Variants in PCM1 observed in about 807,000 individuals in gnomAD.
PCM1 encodes pericentriolar material 1 protein.
Under a neutral mutation model 241.9 loss-of-function variants are expected in PCM1, and 157 were observed. That is an observed-to-expected ratio of 0.65 (90% CI 0.57 to 0.74). PCM1 has a LOEUF of 0.74. PCM1 is among the 30% of genes least tolerant of loss of function. The pLI is 0.00. For missense variants in PCM1, 3,478 were observed against 2,360.1 expected, an observed-to-expected ratio of 1.47 and a Z score of -9.81; for synonymous variants, 1,085 against 784.9, an observed-to-expected ratio of 1.38 and a Z score of -6.39.
At chr8:18,014,351 C>G (rs2092908253) in intron 35 of PCM1, among the ~76,000 whole-genome samples, 1 of 151,512 alleles carries the variant, frequency 6.6e-6, no homozygotes, top group African/African-American at 2.4e-5. Flanking sequence ...ACTGAAAGTC[C>G]TAATTTTTTA....
Position 17,968,762 on chromosome 8 carries a change from GTATATA to G in PCM1, c.3413-804_3413-799del, listed in dbSNP as rs1554688770. 2.4e-3 allele frequency among the ~76,000 whole-genome samples: 331 copies of G among 136,776 alleles called. 3 individuals carry two copies. Among genetic ancestry groups the G allele is most frequent in the African/African-American group, 8.6e-3 (312 of 36,452 alleles). 89.7% of individuals were successfully genotyped at this position (136,776 alleles called of 152,430 possible). On this transcript the variant is annotated intron_variant, in intron 21 of 38. Coordinates refer to ENST00000325083, the MANE Select transcript of PCM1 (RefSeq NM_006197.4). ...TGTGTGTGTGTGTGTGTGTGTGTGT[GTATATA>G]TATATATATACACACCACAGTGTTT...
At chr8:17,963,487 C>T (rs1371335299) in intron 17 of PCM1, among the ~76,000 whole-genome samples, 196 bp downstream of exon 17, 1 of 152,134 alleles carries the variant, frequency 6.6e-6, no homozygotes, top group Non-Finnish European at 1.5e-5. Context: ...GTAGCATCAG[C>T]TTTCTCTTTT....
In PCM1 at chr8:17,944,416, A is replaced by T. The variant is rs186773101; in HGVS notation, c.784-2770A>T. On this transcript the variant is annotated intron_variant, in intron 6 of 38. Transcript: ENST00000325083. Reference sequence around the variant, plus strand: ...TACATAATTATCTGAAGCTGTCAAAATACATTAGGATCCATTAATAATTAC... The same window carrying T: ...TACATAATTATCTGAAGCTGTCAAATTACATTAGGATCCATTAATAATTAC... Among the ~76,000 whole-genome samples the T allele has an allele frequency of 1.1e-4, 16 of 152,306 alleles. 1 individual carries two copies. The East Asian group carries it at 2.5e-3, about 24-fold the overall frequency.
intron 36 of PCM1, among the ~76,000 whole-genome samples, chr8:18,021,432 T>TGAG (rs2093745573): frequency 6.6e-6 from 1 of 152,216 alleles, no homozygotes; most frequent in Non-Finnish European, 1.5e-5. Flanking sequence ...CCACCCTCAT[T>TGAG]GAGGTATCAG....
At chr8:17,932,322 A>T (rs2059277425) in intron 2 of PCM1, among the ~76,000 whole-genome samples, 1 of 152,142 alleles carries the variant, frequency 6.6e-6, no homozygotes, top group South Asian at 2.1e-4. Flanking sequence ...CTGCGTCAAA[A>T]ATTCAGTTTT....
At chr8:18,013,583 T>C (rs2092778923) in intron 34 of PCM1, among the ~76,000 whole-genome samples, 1 of 152,232 alleles carries the variant, frequency 6.6e-6, no homozygotes, top group African/African-American at 2.4e-5. Context: ...CTTACAGTTA[T>C]GAGGTGAATC....
At chr8:17,992,258 C>T (rs557997899) in intron 28 of PCM1, among the ~76,000 whole-genome samples, 1 of 152,198 alleles carries the variant, frequency 6.6e-6, no homozygotes, top group Admixed American at 6.5e-5. Context: ...GGGCAGATAC[C>T]TAGTAGTGAG....
intron 21 of PCM1, 123 bp downstream of exon 21, chr8:17,967,293 A>C: frequency 1.5e-6 from 1 of 669,640 alleles, no homozygotes; most frequent in Non-Finnish European, 2.4e-6. Flanking sequence ...TTTGCAAAGA[A>C]AGTTACAAAC....
intron 2 of PCM1, among the ~76,000 whole-genome samples, chr8:17,928,272 A>G (rs1372669331): frequency 6.6e-6 from 1 of 152,234 alleles, no homozygotes; most frequent in African/African-American, 2.4e-5. Context: ...ATATGAGTGA[A>G]TAGTCTCTCG....
At chr8:18,012,407 ATTAG>A (rs1228605968) in intron 34 of PCM1, among the ~76,000 whole-genome samples, 1 of 152,300 alleles carries the variant, frequency 6.6e-6, no homozygotes, top group East Asian at 1.9e-4. Flanking sequence ...TTATTCTATT[ATTAG>A]TTATTGTTAA....
chr8:17,951,088 C>T (rs2065847327), intron 8 of PCM1, among the ~76,000 whole-genome samples: 1 of 152,152 alleles, frequency 6.6e-6, no homozygotes, highest in African/African-American at 2.4e-5. Context: ...AAATCTGTGT[C>T]CTTCGACTAG....
chr8:17,976,131 G>A (rs2078693060), intron 23 of PCM1, among the ~76,000 whole-genome samples: 1 of 152,104 alleles, frequency 6.6e-6, no homozygotes, highest in Admixed American at 6.5e-5. Flanking sequence ...TGAAATGGAC[G>A]TGAAACATTA....
At chr8:17,937,989 C>G (rs2060917231) in intron 4 of PCM1, among the ~76,000 whole-genome samples, 1 of 152,072 alleles carries the variant, frequency 6.6e-6, no homozygotes, top group Non-Finnish European at 1.5e-5. Context: ...AACTGTATAT[C>G]AGGCACTGAG....
chr8:17,952,434 A>G (rs1465813698), intron 8 of PCM1, among the ~76,000 whole-genome samples: 1 of 151,956 alleles, frequency 6.6e-6, no homozygotes, highest in Non-Finnish European at 1.5e-5. Flanking sequence ...TGAATCCAAG[A>G]CCTCTGTGTG....
rs1414538182 is a variant in PCM1 at position 17,972,704 on chromosome 8, G to A, written c.3943+17G>A. ...AAAACATCAGTAAGTGTTGAAATTT[G>A]TTGAATGTTGATCAGTGTAAATTTT... On this transcript the variant is annotated intron_variant, in intron 23 of 38. Coordinates refer to ENST00000325083, the MANE Select transcript of PCM1 (RefSeq NM_006197.4). 2 of 1,427,982 alleles carry A rather than the reference G, an allele frequency of 1.4e-6. No homozygotes were observed. The highest frequency in any genetic ancestry group is 2.4e-5 in the East Asian group (1 of 41,294). 88.5% of individuals were successfully genotyped at this position (1,427,982 alleles called of 1,614,324 possible).
intron 36 of PCM1, among the ~76,000 whole-genome samples, chr8:18,024,520 A>G (rs922781819): frequency 6.6e-6 from 1 of 152,190 alleles, no homozygotes; most frequent in Non-Finnish European, 1.5e-5. Context: ...TAAAACTTCG[A>G]AAATTACTGG....
intron 38 of PCM1, among the ~76,000 whole-genome samples, chr8:18,026,406 C>A (rs567956354): frequency 1.6e-4 from 24 of 149,928 alleles, no homozygotes; most frequent in Admixed American, 1.6e-3. Context: ...TACAGGCGCC[C>A]GCCACCACGC....
intron 9 of PCM1, among the ~76,000 whole-genome samples, chr8:17,954,074 A>G (rs1427338349): frequency 1.3e-5 from 2 of 152,176 alleles, no homozygotes; most frequent in African/African-American, 2.4e-5. Context: ...GACTTCTGCT[A>G]GTCTCTTTCT....
At chr8:17,944,708 T>C (rs116956692) in intron 6 of PCM1, among the ~76,000 whole-genome samples, 2,566 of 152,260 alleles carry the variant, frequency 0.017, 40 homozygotes, top group South Asian at 0.042. Context: ...ATATTTTTAT[T>C]TTCTCCCTTC....
Sources: gnomAD v4.1 joint callset for allele counts (sites outside exome capture counted in the v4.1 genomes callset) on GRCh38, gnomAD v4.1.1 for gene constraint, MANE v1.5 for transcripts, NCBI Gene and HGNC (gene_info 2026-07-23, HGNC 2026-07-21) for gene names.